Variants in NTM observed in about 807,000 individuals in gnomAD.
NTM encodes neurotrimin.
Under a neutral mutation model 42.1 loss-of-function variants are expected in NTM, and 13 were observed. That is an observed-to-expected ratio of 0.31 (90% CI 0.20 to 0.49). The LOEUF is 0.49. Ranked by LOEUF, NTM falls within the 20% of genes least tolerant of loss-of-function variation. The pLI is 0.99. For missense variants in NTM, 373 were observed against 452.8 expected (o/e 0.82, Z 1.60); for synonymous variants, 187 against 179.2 (o/e 1.04, Z -0.35).
At chr11:131,382,798 C>A (rs1294520042) in intron 1 of NTM, among the ~76,000 whole-genome samples, 1 of 152,142 alleles carries the variant, frequency 6.6e-6, no homozygotes, top group African/African-American at 2.4e-5. Flanking sequence ...AAAGGTTTTG[C>A]CAGAGCAGAC....
At chr11:132,016,237 A>G (rs1310469334) in intron 2 of NTM, among the ~76,000 whole-genome samples, 1 of 151,730 alleles carries the variant, frequency 6.6e-6, no homozygotes, top group African/African-American at 2.4e-5. Flanking sequence ...TGAACAATCA[A>G]TGATTTTTTA....
chr11:132,314,424 C>T (rs2095368873), intron 6 of NTM, 128 bp from the exon 7 acceptor site: 1 of 1,021,842 alleles, frequency 9.8e-7, no homozygotes, highest in South Asian at 1.8e-5. Flanking sequence ...TTGAGTGGAT[C>T]AAATAATGGT....
chr11:131,487,224 G>C (rs556245006), intron 1 of NTM, among the ~76,000 whole-genome samples: 3 of 152,144 alleles, frequency 2.0e-5, no homozygotes, highest in Non-Finnish European at 4.4e-5. Context: ...TTAAACTCTT[G>C]TTATAGCCTC....
intron 2 of NTM, among the ~76,000 whole-genome samples, chr11:132,014,060 A>T (rs1480670012): frequency 1.3e-5 from 2 of 151,996 alleles, no homozygotes. Context: ...ACCCCTTCAC[A>T]GCCCTCACAT....
chr11:131,695,898 T>A (rs1446160040), intron 1 of NTM, among the ~76,000 whole-genome samples: 2 of 152,204 alleles, frequency 1.3e-5, no homozygotes, highest in South Asian at 2.1e-4. Context: ...CCTTCACTCC[T>A]GCGCTCTGGA....
At chr11:131,696,671 G>T (rs1200955843) in intron 1 of NTM, among the ~76,000 whole-genome samples, 1 of 152,222 alleles carries the variant, frequency 6.6e-6, no homozygotes, top group Non-Finnish European at 1.5e-5. Context: ...AGAAGGGAAA[G>T]AATTGGCATA....
chr11:132,047,699 A>G (rs749994490), intron 2 of NTM, among the ~76,000 whole-genome samples: 16 of 152,250 alleles, frequency 1.1e-4, no homozygotes, highest in Non-Finnish European at 2.2e-4. Flanking sequence ...AGCTACAGAC[A>G]CATGCCCTCC....
chr11:131,571,349 T>G (rs1331716067), intron 1 of NTM, among the ~76,000 whole-genome samples: 1 of 152,164 alleles, frequency 6.6e-6, no homozygotes, highest in African/African-American at 2.4e-5. Context: ...TTACATATAT[T>G]AACACGAATC....
chr11:131,517,065 G>A (rs2048984414), intron 1 of NTM, among the ~76,000 whole-genome samples: 1 of 152,176 alleles, frequency 6.6e-6, no homozygotes, highest in Admixed American at 6.5e-5. Flanking sequence ...AGCCTGACTG[G>A]GAAGTCTTTC....
At chr11:131,693,819 C>T (rs1389395896) in intron 1 of NTM, among the ~76,000 whole-genome samples, 1 of 152,198 alleles carries the variant, frequency 6.6e-6, no homozygotes, top group Non-Finnish European at 1.5e-5. Context: ...CTGTCATTTC[C>T]TCCATAATTG....
chr11:132,312,063 T>C (rs779982724), intron 6 of NTM, among the ~76,000 whole-genome samples: 8 of 152,206 alleles, frequency 5.3e-5, no homozygotes, highest in Non-Finnish European at 1.0e-4. Flanking sequence ...GCACATGTAT[T>C]TATTTATTTC....
rs981213084 is a variant in NTM at position 132,307,578 on chromosome 11, C to G, written c.527-111C>G. ...CACAGTTCCTCAGAATCTGAACTTA[C>G]AACTGGCAAATTATCTGCAGACATA... On this transcript the variant is annotated intron_variant, in intron 4 of 8. Coordinates refer to ENST00000683400, the MANE Select transcript of NTM (RefSeq NM_001352005.2). 2.7e-6 allele frequency: 4 copies of G among 1,462,132 alleles called. No individual in the cohort carries two copies. The African/African-American group carries it at 5.5e-5, about 20-fold the overall frequency. 90.6% of individuals were successfully genotyped at this position (1,462,132 alleles called of 1,614,324 possible). A position where few individuals can be genotyped will look rare whatever the true frequency, so the allele number is the denominator to read the frequency against.
intron 2 of NTM, among the ~76,000 whole-genome samples, chr11:132,017,388 T>G (rs1006849559): frequency 1.3e-5 from 2 of 151,980 alleles, no homozygotes; most frequent in Non-Finnish European, 1.5e-5. Context: ...TTAAAAACAG[T>G]CTTTTTCCTC....
chr11:132,019,856 T>C (rs1322960779), intron 2 of NTM, among the ~76,000 whole-genome samples: 1 of 150,720 alleles, frequency 6.6e-6, no homozygotes, highest in African/African-American at 2.4e-5. Flanking sequence ...ATTTATTTGG[T>C]TTTTTTTTCA....
intron 7 of NTM, among the ~76,000 whole-genome samples, chr11:132,324,802 G>A (rs1442782435): frequency 4.7e-5 from 7 of 149,610 alleles, no homozygotes; most frequent in East Asian, 3.9e-4. Flanking sequence ...AAACAGCATG[G>A]TACTGGTACC....
intron 4 of NTM, among the ~76,000 whole-genome samples, chr11:132,244,123 T>C (rs950889195): frequency 1.1e-4 from 17 of 152,162 alleles, no homozygotes; most frequent in African/African-American, 4.1e-4. Context: ...AGCTCGGGGC[T>C]TCCTGCCACA....
At chr11:131,453,203 T>C (rs1448364) in intron 1 of NTM, among the ~76,000 whole-genome samples, 114,637 of 152,054 alleles carry the variant, frequency 0.75, 43,684 homozygotes, top group East Asian at 0.97. Context: ...GGAGAATCCC[T>C]CAAATTTATG....
chr11:131,719,787 T>C (rs1592692927), intron 1 of NTM, among the ~76,000 whole-genome samples: 1 of 152,308 alleles, frequency 6.6e-6, no homozygotes, highest in Admixed American at 6.5e-5. Context: ...TTACCTCCGC[T>C]GGGAAATTCA....
chr11:132,016,493 T>A (rs2073438462), intron 2 of NTM, among the ~76,000 whole-genome samples: 1 of 152,056 alleles, frequency 6.6e-6, no homozygotes, highest in Non-Finnish European at 1.5e-5. Context: ...TCTTATTGTG[T>A]AATAATATTC....
Sources: allele counts gnomAD v4.1 joint callset (sites outside exome capture counted in the v4.1 genomes callset), GRCh38; gene constraint gnomAD v4.1.1; transcripts MANE v1.5; gene names NCBI Gene and HGNC (gene_info 2026-07-23, HGNC 2026-07-21).